The following EPSTI1 variants were observed in gnomAD, a reference collection of about 807,000 sequenced individuals.
EPSTI1 encodes epithelial stromal interaction 1.
A neutral mutation model predicts 49.9 loss-of-function variants in EPSTI1; 66 were observed. That is an observed-to-expected ratio of 1.32 (90% CI 1.08 to 1.62). The LOEUF is 1.62. Among genes scored for constraint, EPSTI1 ranks in the 40% most tolerant of loss-of-function variants. EPSTI1 has a pLI of 0.00. For missense variants in EPSTI1, 394 were observed against 365.5 expected (o/e 1.08, Z -0.64); for synonymous variants, 137 against 130.7 (o/e 1.05, Z -0.33).
intron 1 of EPSTI1, among the ~76,000 whole-genome samples, chr13:42,987,993 C>G (rs1566184984): frequency 6.6e-6 from 1 of 152,144 alleles, no homozygotes; most frequent in Non-Finnish European, 1.5e-5. Context: ...AATTTACATA[C>G]AAATTCAGCT....
intron 6 of EPSTI1, among the ~76,000 whole-genome samples, chr13:42,939,316 T>C (rs1158226766): frequency 1.3e-5 from 2 of 152,222 alleles, no homozygotes; most frequent in African/African-American, 4.8e-5. Context: ...GAACTTTTCT[T>C]TTGCTTCACA....
At chr13:42,895,214 G>T in intron 9 of EPSTI1, 106 bp from the exon 10 acceptor site, 1 of 805,840 alleles carries the variant, frequency 1.2e-6, no homozygotes, top group Non-Finnish European at 1.9e-6. Context: ...ATAGCTTCCT[G>T]GCTTCAGCTT....
intron 7 of EPSTI1, among the ~76,000 whole-genome samples, chr13:42,921,884 A>G (rs752400109): frequency 2.0e-5 from 3 of 152,128 alleles, no homozygotes; most frequent in Non-Finnish European, 4.4e-5. Flanking sequence ...AAAATCCACA[A>G]GTTATCTGAC....
intron 5 of EPSTI1, among the ~76,000 whole-genome samples, chr13:42,961,413 T>C (rs1290353998): frequency 1.3e-5 from 2 of 152,132 alleles, no homozygotes; most frequent in South Asian, 4.1e-4. Context: ...CTACAGAACA[T>C]CACTAGAAGT....
rs577288523 is a variant in EPSTI1 at position 42,920,998 on chromosome 13, G to A, written c.658-3374C>T. ...AAATATGCCAAAATATAGAAAAAAG[G>A]TAGTCACAGATAACTTACAGGAGAA... On this transcript the variant is annotated intron_variant, in intron 7 of 10. Coordinates refer to ENST00000313624, the MANE Select transcript of EPSTI1 (RefSeq NM_033255.5). Among the ~76,000 whole-genome samples, 8 of 152,166 alleles carry A rather than the reference G, an allele frequency of 5.3e-5. No homozygotes were observed. The South Asian group carries it at 1.7e-3, about 32-fold the overall frequency.
At chr13:42,959,598 TCCTAC>T (rs2039381285) in intron 5 of EPSTI1, among the ~76,000 whole-genome samples, 1 of 152,338 alleles carries the variant, frequency 6.6e-6, no homozygotes, top group South Asian at 2.1e-4. Flanking sequence ...ACCAGTTAGT[TCCTAC>T]TTCACCGTAT....
At chr13:42,968,917 A>AT (rs1566168995) in intron 3 of EPSTI1, among the ~76,000 whole-genome samples, 177 bp downstream of exon 3, 1 of 66,054 alleles carries the variant, frequency 1.5e-5, no homozygotes, top group Non-Finnish European at 2.9e-5. Context: ...GAAAAAAAAA[A>AT]AAATACACAC....
intron 6 of EPSTI1, among the ~76,000 whole-genome samples, chr13:42,947,694 T>C (rs1180121100): frequency 6.6e-6 from 1 of 152,176 alleles, no homozygotes; most frequent in East Asian, 1.9e-4. Context: ...GGGAGGTCAG[T>C]TGAGAGCAGT....
At chr13:42,894,035 T>C (rs371265599) in intron 10 of EPSTI1, among the ~76,000 whole-genome samples, 2 of 152,206 alleles carry the variant, frequency 1.3e-5, no homozygotes, top group African/African-American at 4.8e-5. Context: ...ATCCAGGCAG[T>C]GTTCTCTGCA....
chr13:42,902,732 G>C (rs922751130), intron 8 of EPSTI1, among the ~76,000 whole-genome samples: 18 of 152,154 alleles, frequency 1.2e-4, no homozygotes, highest in African/African-American at 4.3e-4. Context: ...AAATGAATGA[G>C]CAATATCATC....
At chr13:42,941,349 C>T (rs1431302449) in intron 6 of EPSTI1, among the ~76,000 whole-genome samples, 2 of 152,168 alleles carry the variant, frequency 1.3e-5, no homozygotes, top group African/African-American at 4.8e-5. Flanking sequence ...ATGCCAATAA[C>T]AGTTTGTTAT....
At chr13:42,991,776 T>C (rs1205803362) in intron 1 of EPSTI1, among the ~76,000 whole-genome samples, 2 of 152,230 alleles carry the variant, frequency 1.3e-5, no homozygotes, top group East Asian at 3.8e-4. Context: ...GGGCTGGTTA[T>C]TTACCAAAGG....
intron 6 of EPSTI1, among the ~76,000 whole-genome samples, chr13:42,947,321 A>T (rs1191422241): frequency 2.0e-5 from 3 of 152,108 alleles, no homozygotes; most frequent in Non-Finnish European, 4.4e-5. Context: ...AGTACTTAGT[A>T]TTGCCAACCA....
intron 1 of EPSTI1, among the ~76,000 whole-genome samples, chr13:42,979,987 G>A (rs1038237828): frequency 6.6e-6 from 1 of 151,816 alleles, no homozygotes; most frequent in Non-Finnish European, 1.5e-5. Context: ...AGACTCCTAT[G>A]AGCTCAGACA....
At chr13:42,979,529 G>A (rs1198739375) in intron 1 of EPSTI1, among the ~76,000 whole-genome samples, 2 of 148,312 alleles carry the variant, frequency 1.3e-5, no homozygotes, top group South Asian at 2.1e-4. Flanking sequence ...AGCTTGCAGT[G>A]AGCCGATATC....
intron 1 of EPSTI1, among the ~76,000 whole-genome samples, chr13:42,974,240 G>C (rs1480122576): frequency 6.6e-6 from 1 of 152,166 alleles, no homozygotes; most frequent in African/African-American, 2.4e-5. Context: ...GGATGCTGAG[G>C]CAGGAGAATC....
chr13:42,921,793 A>G (rs1042632523), intron 7 of EPSTI1, among the ~76,000 whole-genome samples: 11 of 152,114 alleles, frequency 7.2e-5, no homozygotes, highest in Admixed American at 2.6e-4. Flanking sequence ...GTCCCAGAAC[A>G]ACAGCTGTGC....
At chr13:42,903,409 T>C (rs1203749935) in intron 8 of EPSTI1, among the ~76,000 whole-genome samples, 4 of 151,966 alleles carry the variant, frequency 2.6e-5, no homozygotes, top group African/African-American at 7.3e-5. Context: ...CTGGGGCCTG[T>C]TGGAGTGGAG....
At chr13:42,907,730 C>T (rs2037536889) in intron 8 of EPSTI1, among the ~76,000 whole-genome samples, 1 of 152,116 alleles carries the variant, frequency 6.6e-6, no homozygotes. Context: ...TTTCAAATTA[C>T]CTCAAATTCC....
Sources: gnomAD v4.1 joint callset for allele counts (sites outside exome capture counted in the v4.1 genomes callset) on GRCh38, gnomAD v4.1.1 for gene constraint, MANE v1.5 for transcripts, NCBI Gene and HGNC (gene_info 2026-07-23, HGNC 2026-07-21) for gene names.